ARID3C: variants seen among roughly 807,000 people sequenced by gnomAD.
ARID3C encodes the protein AT-rich interaction domain 3C.
Under a neutral mutation model 37.9 loss-of-function variants are expected in ARID3C, and 42 were observed. That is an observed-to-expected ratio of 1.11 (90% CI 0.87 to 1.43). The LOEUF (loss-of-function observed/expected upper bound fraction) is 1.43, where lower values mean the gene tolerates loss of function less well. Ranked by LOEUF, ARID3C falls within the 40% of genes most tolerant of loss-of-function variation. ARID3C has a pLI of 0.00. For missense variants in ARID3C, 581 were observed against 548.8 expected (o/e 1.06, Z -0.59); for synonymous variants, 213 against 228.0 (o/e 0.93, Z 0.59).
At chr9:34,623,336 C>T (rs1367956501) in intron 4 of ARID3C, 89 bp downstream of exon 5, 11 of 1,413,966 alleles carry the variant, frequency 7.8e-6, no homozygotes, top group Non-Finnish European at 1.0e-5. Flanking sequence ...CCTCCCCAGA[C>T]CTCAATCCTC....
chr9:34,621,958 C>T, intron 6 of ARID3C, 62 bp downstream of exon 7: 1 of 1,514,662 alleles, frequency 6.6e-7, no homozygotes, highest in Admixed American at 1.7e-5. Context: ...AGTCTAAAAT[C>T]CCCATGCCAG....
rs1820674254 is a variant in ARID3C, at chr9:34,627,695, A to G, written c.318+2T>C. 1 of 1,607,206 alleles carries G rather than the reference A, an allele frequency of 6.2e-7. No homozygotes were observed. The highest frequency in any genetic ancestry group is 8.5e-7 in the Non-Finnish European group (1 of 1,176,534). On this transcript the variant is annotated splice_donor_variant, in intron 1 of 6. Transcript: ENST00000378909. LOFTEE classifies it high-confidence loss of function. ...GCCGGACATTGAGGGCATAGGTCCTACCTGCTTGAATTGTTCCTCGTAGGT... is the reference window on the plus strand; with the variant it reads ...GCCGGACATTGAGGGCATAGGTCCTGCCTGCTTGAATTGTTCCTCGTAGGT...
intron 1 of ARID3C, 121 bp downstream of exon 2, chr9:34,627,568 CGTGTCTCT>C (rs978970201): frequency 3.8e-6 from 3 of 795,198 alleles, no homozygotes; most frequent in Non-Finnish European, 5.9e-6. Context: ...TATAGGTCTC[CGTGTCTCT>C]GTGTCTCTTT....
intron 2 of ARID3C, 25 bp from the exon 4 acceptor site, chr9:34,624,072 G>A (rs552754952): frequency 1.5e-5 from 24 of 1,559,554 alleles, no homozygotes; most frequent in Non-Finnish European, 1.9e-5. Context: ...GCTGCCGTCA[G>A]GACACTGAGA....
At chr9:34,627,077 C>T (rs886199538) in intron 1 of ARID3C, among the ~76,000 whole-genome samples, 3 of 152,146 alleles carry the variant, frequency 2.0e-5, no homozygotes, top group African/African-American at 4.8e-5. Context: ...AGTCATACTG[C>T]GGCTGTAGTG....
intron 4 of ARID3C, 94 bp from the exon 6 acceptor site, chr9:34,622,623 C>G: frequency 7.9e-7 from 1 of 1,271,486 alleles, no homozygotes; most frequent in East Asian, 2.4e-5. Context: ...GTAACTCAAG[C>G]TCATGTACCA....
chr9:34,623,325 G>C, intron 4 of ARID3C, 100 bp downstream of exon 5: 1 of 1,355,928 alleles, frequency 7.4e-7, no homozygotes, highest in East Asian at 2.6e-5. Context: ...ATACCTCAAT[G>C]CCTCCCCAGA....
At chr9:34,623,220 C>T (rs1222728962) in intron 4 of ARID3C, among the ~76,000 whole-genome samples, 1 of 151,898 alleles carries the variant, frequency 6.6e-6, no homozygotes, top group Non-Finnish European at 1.5e-5. Flanking sequence ...CTTCAGTAAC[C>T]CGTACCCCAG....
chr9:34,625,955 T>A, intron 1 of ARID3C, 141 bp from the exon 3 acceptor site: 1 of 948,506 alleles, frequency 1.1e-6, no homozygotes, highest in Non-Finnish European at 1.6e-6. Flanking sequence ...GGATTAGCAT[T>A]AGGCTCTCTC....
rs762617594 is a variant in ARID3C at position 34,623,813 on chromosome 9, C to T, written c.575+51G>A. On this transcript the variant is annotated intron_variant, in intron 3 of 6. Transcript: ENST00000378909. The stretch of plus-strand genomic sequence containing the variant: ...GCCCGGGGACCCTCCCCCCTCCCGC[C>T]CCAGGCCGAACCCGTGCCCCCTTCC... 55 of 1,518,260 alleles carry T rather than the reference C, an allele frequency of 3.6e-5. No individual in the cohort carries two copies. The South Asian group carries it at 6.5e-4, about 18-fold the overall frequency. 94.0% of individuals were successfully genotyped at this position (1,518,260 alleles called of 1,614,324 possible).
At chr9:34,627,411 G>A (rs1820670125) in intron 1 of ARID3C, among the ~76,000 whole-genome samples, 1 of 152,188 alleles carries the variant, frequency 6.6e-6, no homozygotes, top group South Asian at 2.1e-4. Flanking sequence ...GGGAAGCTGA[G>A]GTGGGAGGAT....
At chr9:34,623,660 T>C in exon 4 of ARID3C, 8 of 1,589,954 alleles carry the variant, frequency 5.0e-6, no homozygotes, top group Non-Finnish European at 6.0e-6. Flanking sequence ...GGAGCTCCCC[T>C]GGGGAGCTGA....
At chr9:34,629,307 C>G (rs572114923), upstream of ARID3C, among the ~76,000 whole-genome samples, 1 of 152,112 alleles carries the variant, frequency 6.6e-6, no homozygotes, top group African/African-American at 2.4e-5. Context: ...GTGCCCCCGA[C>G]ACCCACACTC....
chr9:34,627,514 C>A (rs1300577065), intron 1 of ARID3C, among the ~76,000 whole-genome samples, 183 bp downstream of exon 2: 1 of 151,658 alleles, frequency 6.6e-6, no homozygotes, highest in Non-Finnish European at 1.5e-5. Flanking sequence ...AGGCATCTGT[C>A]TTTCCCTCCC....
chr9:34,624,030 C>CGCGGTTCACTG lies in ARID3C; in HGVS notation c.398_408dup (p.Val137GlnfsTer2), dbSNP rs769808378. On this transcript the variant is annotated stop_gained and frameshift_variant, in exon 3 of 7. Transcript: ENST00000378909. LOFTEE classifies it high-confidence loss of function. ...AGCACCTGCTTCGCCATGATGGGCA[C>CGCGGTTCACTG]GCGGTTCACTGGCGTCCCTGGTGGG... The CGCGGTTCACTG allele has an allele frequency of 6.3e-7, 1 of 1,594,532 alleles. No individual in the cohort carries two copies. The highest frequency in any genetic ancestry group is 2.2e-5 in the East Asian group (1 of 44,492).
exon 4 of ARID3C, chr9:34,623,461 C>A: frequency 6.5e-7 from 1 of 1,536,320 alleles, no homozygotes; most frequent in Non-Finnish European, 8.7e-7. Context: ...TGAGCGCATG[C>A]ATGCGCTGGC....
upstream of ARID3C, among the ~76,000 whole-genome samples, chr9:34,628,887 T>C (rs1170215079): frequency 6.6e-6 from 1 of 151,980 alleles, no homozygotes; most frequent in East Asian, 1.9e-4. This position sits in a 1 kb window ranked among gnomAD's most constrained non-coding sequence, Gnocchi z 5.2. Context: ...CCCGGCTCCC[T>C]CGCTCCGGGC....
intron 4 of ARID3C, 30 bp downstream of exon 5, chr9:34,623,395 C>A: frequency 6.8e-7 from 1 of 1,480,270 alleles, no homozygotes; most frequent in Non-Finnish European, 9.0e-7. Flanking sequence ...CCTCAGAGAC[C>A]CCGAAACCTC....
chr9:34,622,721 G>T (rs111613071), intron 4 of ARID3C, among the ~76,000 whole-genome samples, 192 bp from the exon 6 acceptor site: 1,543 of 152,306 alleles, frequency 0.01, 17 homozygotes, highest in Non-Finnish European at 0.017. Context: ...AAAGGATCAA[G>T]GTACATGTCT....
Sources: gnomAD v4.1 joint callset for allele counts (sites outside exome capture counted in the v4.1 genomes callset) on GRCh38, gnomAD v4.1.1 for gene constraint, Gnocchi (gnomAD v3.1) non-coding constraint, MANE v1.5 for transcripts, NCBI Gene and HGNC (gene_info 2026-07-23, HGNC 2026-07-21) for gene names.